The following MCTP1 variants were observed in gnomAD, a reference collection of about 807,000 sequenced individuals.
The protein encoded by MCTP1 is multiple C2 and transmembrane domain containing 1, also known as multiple C2 and transmembrane domain-containing protein 1.
In MCTP1, 69 loss-of-function variants were observed where a neutral mutation model predicts 120.6. The ratio of observed to expected loss-of-function variants is 0.57; its 90% CI spans 0.47 to 0.70. The LOEUF (loss-of-function observed/expected upper bound fraction) is 0.70, where lower values mean the gene tolerates loss of function less well. Ranked by LOEUF, MCTP1 falls within the 30% of genes least tolerant of loss-of-function variation. MCTP1 has a pLI of 0.00. For missense variants in MCTP1, 1,203 were observed against 1,248.8 expected, an observed-to-expected ratio of 0.96 and a Z score of 0.55; for synonymous variants, 529 against 493.1, an observed-to-expected ratio of 1.07 and a Z score of -0.96.
At chr5:94,981,509 A>G (rs965288801) in intron 2 of MCTP1, among the ~76,000 whole-genome samples, 5 of 152,160 alleles carry the variant, frequency 3.3e-5, no homozygotes, top group African/African-American at 1.2e-4. Context: ...TGGATTCGGC[A>G]GTGCATAAAA....
chr5:94,909,009 T>C (rs1035282606), intron 10 of MCTP1, among the ~76,000 whole-genome samples: 1 of 152,110 alleles, frequency 6.6e-6, no homozygotes. Context: ...CCCATAACTT[T>C]GACATCTGGA....
chr5:94,935,123 T>C (rs1245893989), intron 5 of MCTP1, among the ~76,000 whole-genome samples: 5 of 152,038 alleles, frequency 3.3e-5, no homozygotes, highest in African/African-American at 1.2e-4. Context: ...TGCTGGAAAC[T>C]TAAAATGTAT....
At chr5:95,124,253 T>A (rs1758456009) in intron 1 of MCTP1, among the ~76,000 whole-genome samples, 2 of 152,346 alleles carry the variant, frequency 1.3e-5, no homozygotes, top group Non-Finnish European at 1.5e-5. Context: ...CTGACTGGCA[T>A]ACTCTACTTT....
At chr5:95,190,418 C>A (rs1026963209) in intron 1 of MCTP1, among the ~76,000 whole-genome samples, 1 of 152,038 alleles carries the variant, frequency 6.6e-6, no homozygotes, top group Non-Finnish European at 1.5e-5. Flanking sequence ...AGAATAAATT[C>A]TTCACTATCA....
chr5:94,732,384 C>T (rs922858605), intron 19 of MCTP1, among the ~76,000 whole-genome samples: 5 of 151,778 alleles, frequency 3.3e-5, no homozygotes, highest in African/African-American at 1.2e-4. Context: ...TTATGTGTGG[C>T]CCAAGACAAT....
At chr5:95,235,553 A>C (rs1755446958) in intron 1 of MCTP1, among the ~76,000 whole-genome samples, 1 of 152,054 alleles carries the variant, frequency 6.6e-6, no homozygotes, top group Non-Finnish European at 1.5e-5. Flanking sequence ...ATGCTGGCTT[A>C]AACTTCCAGA....
intron 10 of MCTP1, among the ~76,000 whole-genome samples, chr5:94,908,800 G>A (rs1434089046): frequency 6.6e-6 from 1 of 151,858 alleles, no homozygotes; most frequent in Non-Finnish European, 1.5e-5. Flanking sequence ...CTAATACTTG[G>A]GAACTCTTTA....
chr5:95,140,610 G>A (rs954673951), intron 1 of MCTP1, among the ~76,000 whole-genome samples: 1 of 143,036 alleles, frequency 7.0e-6, no homozygotes, highest in African/African-American at 2.6e-5. Flanking sequence ...TGTAATCCCA[G>A]TACTTCGGGA....
chr5:94,910,139 T>C (rs1279511831), intron 9 of MCTP1, among the ~76,000 whole-genome samples: 1 of 150,044 alleles, frequency 6.7e-6, no homozygotes, highest in East Asian at 1.9e-4. Flanking sequence ...CATGTATATA[T>C]GTATGAGTAT....
intron 1 of MCTP1, among the ~76,000 whole-genome samples, chr5:95,112,666 C>A (rs904968056): frequency 1.3e-5 from 2 of 151,978 alleles, no homozygotes; most frequent in Admixed American, 1.3e-4. Context: ...ACTTATTACA[C>A]CATTAAGACA....
At chr5:94,800,871 T>A (rs1781083982) in intron 17 of MCTP1, among the ~76,000 whole-genome samples, 2 of 152,042 alleles carry the variant, frequency 1.3e-5, no homozygotes, top group African/African-American at 4.8e-5. Flanking sequence ...TTCCAAATAT[T>A]GTAATACATG....
rs572410613 is a variant in MCTP1 at position 94,883,585 on chromosome 5, T to G, written c.1933+5294A>C. Reference sequence around the variant, plus strand: ...AGGACTTCCACTACATTTTATACAGTTCTTTGAATGAAATTACGTAGAACT... The same window carrying G: ...AGGACTTCCACTACATTTTATACAGGTCTTTGAATGAAATTACGTAGAACT... On this transcript the variant is annotated intron_variant, in intron 12 of 22. Transcript: ENST00000515393. 2.8e-4 allele frequency among the ~76,000 whole-genome samples: 42 copies of G among 152,342 alleles called. No homozygotes were observed. In the South Asian group the frequency reaches 4.1e-3, roughly 15 times the overall value.
chr5:94,995,113 T>C (rs962100989), intron 2 of MCTP1, among the ~76,000 whole-genome samples: 1 of 152,156 alleles, frequency 6.6e-6, no homozygotes, highest in Non-Finnish European at 1.5e-5. Flanking sequence ...GAAACTCCCC[T>C]TCATATATAC....
chr5:94,850,082 T>A (rs1394557186), intron 17 of MCTP1, among the ~76,000 whole-genome samples: 2 of 152,124 alleles, frequency 1.3e-5, no homozygotes, highest in Non-Finnish European at 2.9e-5. Context: ...GCTACATAAG[T>A]ACTAAAATGT....
intron 17 of MCTP1, among the ~76,000 whole-genome samples, chr5:94,850,075 A>G (rs1306458736): frequency 2.7e-4 from 41 of 152,174 alleles, no homozygotes; most frequent in Admixed American, 2.7e-3. Context: ...AATCTTTGCT[A>G]CATAAGTACT....
At chr5:94,923,164 T>C (rs1004163754) in intron 7 of MCTP1, among the ~76,000 whole-genome samples, 3 of 152,140 alleles carry the variant, frequency 2.0e-5, no homozygotes, top group African/African-American at 7.2e-5. Context: ...AAAAGGTAGT[T>C]TTCAATAATG....
At chr5:94,923,797 A>G (rs573191292) in intron 7 of MCTP1, among the ~76,000 whole-genome samples, 165 bp downstream of exon 7, 29 of 152,314 alleles carry the variant, frequency 1.9e-4, no homozygotes, top group African/African-American at 6.3e-4. Flanking sequence ...TGTAGAAATA[A>G]AAGTGAGTTA....
chr5:94,920,673 C>T (rs1239473505), intron 7 of MCTP1, among the ~76,000 whole-genome samples: 1 of 151,546 alleles, frequency 6.6e-6, no homozygotes, highest in Admixed American at 6.6e-5. Flanking sequence ...ACCCGGGAGG[C>T]GAAGCTTATA....
intron 1 of MCTP1, among the ~76,000 whole-genome samples, chr5:95,188,582 A>G (rs1749486025): frequency 6.6e-6 from 1 of 152,198 alleles, no homozygotes; most frequent in Non-Finnish European, 1.5e-5. Flanking sequence ...GAAAAATGTC[A>G]ATCTTAAAAG....
Sources: allele counts gnomAD v4.1 joint callset (sites outside exome capture counted in the v4.1 genomes callset), GRCh38; gene constraint gnomAD v4.1.1; transcripts MANE v1.5; gene names NCBI Gene and HGNC (gene_info 2026-07-23, HGNC 2026-07-21).